Variants in LUZP2 observed in about 807,000 individuals in gnomAD.
LUZP2 encodes the protein leucine zipper protein 2.
A neutral mutation model predicts 51.6 loss-of-function variants in LUZP2; 52 were observed. The ratio of observed to expected loss-of-function variants is 1.01; its 90% CI spans 0.81 to 1.27. The LOEUF is 1.27. Among genes scored for constraint, LUZP2 ranks in the 50% most tolerant of loss-of-function variants. LUZP2 has a pLI of 0.00. For synonymous variants in LUZP2, 154 were observed against 137.3 expected, an observed-to-expected ratio of 1.12 and a Z score of -0.85; for missense variants, 436 against 395.4, an observed-to-expected ratio of 1.10 and a Z score of -0.87.
chr11:24,922,322 C>G (rs1391304721), intron 7 of LUZP2, among the ~76,000 whole-genome samples: 4 of 152,230 alleles, frequency 2.6e-5, no homozygotes, highest in Middle Eastern at 6.8e-3. Context: ...GTCATCTGCT[C>G]TTGAAGAGAG....
At chr11:24,586,659 G>A (rs1342904544) in intron 1 of LUZP2, among the ~76,000 whole-genome samples, 1 of 151,890 alleles carries the variant, frequency 6.6e-6, no homozygotes, top group Non-Finnish European at 1.5e-5. Flanking sequence ...TTAAGTTTAG[G>A]TACTCCATTT....
chr11:24,907,466 G>A (rs1855474486), intron 6 of LUZP2, among the ~76,000 whole-genome samples: 1 of 152,118 alleles, frequency 6.6e-6, no homozygotes, highest in South Asian at 2.1e-4. Flanking sequence ...TAAATGGTTT[G>A]TAGATCTGAT....
chr11:24,925,197 G>A (rs1252882205), intron 7 of LUZP2, among the ~76,000 whole-genome samples: 5 of 152,118 alleles, frequency 3.3e-5, no homozygotes, highest in African/African-American at 9.7e-5. Flanking sequence ...TGCTTTGCCA[G>A]TCTTAAGGTT....
intron 1 of LUZP2, among the ~76,000 whole-genome samples, chr11:24,661,723 A>G (rs1856027740): frequency 6.6e-6 from 1 of 152,184 alleles, no homozygotes; most frequent in African/African-American, 2.4e-5. Context: ...TAGCCATAAC[A>G]TTTTAAAATA....
chr11:25,062,824 A>G (rs1446715175), intron 10 of LUZP2, among the ~76,000 whole-genome samples: 1 of 151,392 alleles, frequency 6.6e-6, no homozygotes, highest in African/African-American at 2.4e-5. Context: ...GCATTTTTAT[A>G]TAAATAAACA....
At chr11:24,507,195 C>T (rs1383307188) in intron 1 of LUZP2, among the ~76,000 whole-genome samples, 1 of 151,896 alleles carries the variant, frequency 6.6e-6, no homozygotes, top group Non-Finnish European at 1.5e-5. Context: ...CAGTTCCTAC[C>T]CTAGACATTG....
At chr11:24,674,312 G>T (rs971810416) in intron 1 of LUZP2, among the ~76,000 whole-genome samples, 1 of 152,074 alleles carries the variant, frequency 6.6e-6, no homozygotes, top group African/African-American at 2.4e-5. Context: ...CCTTCTGCTA[G>T]CCCCGACATC....
Position 24,602,180 on chromosome 11 carries a change from G to A in LUZP2, c.62+104875G>A, listed in dbSNP as rs1200736557. On this transcript the variant is annotated intron_variant, in intron 1 of 11. Transcript: ENST00000336930. Reference sequence around the variant, plus strand: ...TATGTATATATGTGTATATATATGTGTATATATGTATATATGTACATATAT... The same window carrying A: ...TATGTATATATGTGTATATATATGTATATATATGTATATATGTACATATAT... Among the ~76,000 whole-genome samples, 13 of 121,738 alleles carry A rather than the reference G, an allele frequency of 1.1e-4. 1 individual carries two copies. The highest frequency in any genetic ancestry group is 3.2e-4 in the African/African-American group (11 of 34,796). The allele number at this position is 121,738 out of a possible 152,430, so 79.9% of individuals were successfully genotyped here. A position where few individuals can be genotyped will look rare whatever the true frequency, so the allele number is the denominator to read the frequency against.
chr11:24,713,418 G>T (rs1857913792), intron 1 of LUZP2, among the ~76,000 whole-genome samples: 1 of 152,038 alleles, frequency 6.6e-6, no homozygotes, highest in Admixed American at 6.6e-5. Flanking sequence ...TTTGTCAACT[G>T]GGGGGAGAAC....
intron 10 of LUZP2, among the ~76,000 whole-genome samples, chr11:25,061,277 T>C (rs1446172): frequency 0.92 from 139,899 of 152,214 alleles, 65,001 homozygotes; most frequent in East Asian, 0.99. Flanking sequence ...AGGTTTGTCT[T>C]AGCTACATAC....
chr11:24,550,266 G>A (rs1851686995), intron 1 of LUZP2, among the ~76,000 whole-genome samples: 1 of 151,810 alleles, frequency 6.6e-6, no homozygotes, highest in South Asian at 2.1e-4. Flanking sequence ...ATAAAACTAA[G>A]GCATAATTTA....
chr11:24,638,712 G>A (rs571929127), intron 1 of LUZP2, among the ~76,000 whole-genome samples: 2 of 151,304 alleles, frequency 1.3e-5, no homozygotes, highest in African/African-American at 4.9e-5. Context: ...GAGATATAAA[G>A]TAGAAATAAT....
intron 1 of LUZP2, among the ~76,000 whole-genome samples, chr11:24,665,341 C>T (rs919489277): frequency 1.3e-5 from 2 of 152,154 alleles, no homozygotes; most frequent in African/African-American, 4.8e-5. Context: ...TTTGATTTTA[C>T]AGGCTCATAG....
intron 3 of LUZP2, among the ~76,000 whole-genome samples, chr11:24,735,166 C>T (rs1858885592): frequency 1.3e-5 from 2 of 151,830 alleles, no homozygotes; most frequent in South Asian, 2.1e-4. Context: ...GTCTTTCTAG[C>T]AAGACAAACA....
intron 7 of LUZP2, among the ~76,000 whole-genome samples, chr11:24,926,557 G>A (rs576689239): frequency 1.4e-5 from 2 of 143,384 alleles, no homozygotes; most frequent in Non-Finnish European, 3.0e-5. Flanking sequence ...GTATATATAT[G>A]TGTGTGTATA....
chr11:24,727,345 C>T (rs1366017373), intron 1 of LUZP2, among the ~76,000 whole-genome samples: 1 of 151,964 alleles, frequency 6.6e-6, no homozygotes, highest in Non-Finnish European at 1.5e-5. Context: ...ACACCACTTT[C>T]TTAATAGCAT....
intron 1 of LUZP2, among the ~76,000 whole-genome samples, chr11:24,653,252 T>G (rs1473616043): frequency 1.3e-5 from 2 of 152,180 alleles, no homozygotes; most frequent in Non-Finnish European, 2.9e-5. Flanking sequence ...GTTCTGGATG[T>G]ATTTTTTAAG....
chr11:25,034,801 C>T (rs1857799951), intron 9 of LUZP2, among the ~76,000 whole-genome samples: 1 of 152,034 alleles, frequency 6.6e-6, no homozygotes, highest in Non-Finnish European at 1.5e-5. Flanking sequence ...TGTGCTAGTA[C>T]TAAGCTGTTT....
chr11:24,644,416 T>C (rs1414872317), intron 1 of LUZP2, among the ~76,000 whole-genome samples: 1 of 151,966 alleles, frequency 6.6e-6, no homozygotes, highest in East Asian at 1.9e-4. Context: ...GTAGAGGACA[T>C]CCTCATCTGC....
Sources: gnomAD v4.1 joint callset for allele counts (sites outside exome capture counted in the v4.1 genomes callset) on GRCh38, gnomAD v4.1.1 for gene constraint, MANE v1.5 for transcripts, NCBI Gene and HGNC (gene_info 2026-07-23, HGNC 2026-07-21) for gene names.